Variants in SNX27 observed in about 807,000 individuals in gnomAD.
SNX27 encodes the protein sorting nexin-27.
In SNX27, 22 loss-of-function variants were observed where a neutral mutation model predicts 71.6. The observed-to-expected ratio is 0.31, with a 90% CI of 0.22 to 0.44. The LOEUF is 0.44. Ranked by LOEUF, SNX27 falls within the 20% of genes least tolerant of loss-of-function variation. The probability of loss-of-function intolerance (pLI) is 1.00; values close to 1 mark genes in which losing one functional copy is unlikely to be tolerated. For missense variants in SNX27, 531 were observed against 698.6 expected, an observed-to-expected ratio of 0.76 and a Z score of 2.70; for synonymous variants, 269 against 277.2, an observed-to-expected ratio of 0.97 and a Z score of 0.29.
chr1:151,634,246 A>G (rs1668373452), intron 1 of SNX27, among the ~76,000 whole-genome samples: 2 of 152,170 alleles, frequency 1.3e-5, no homozygotes, highest in Admixed American at 6.6e-5. Flanking sequence ...GGAATTTATT[A>G]TCCATTTTTA....
At chr1:151,644,157 A>C (rs1188541259) in intron 2 of SNX27, among the ~76,000 whole-genome samples, 1 of 152,248 alleles carries the variant, frequency 6.6e-6, no homozygotes, top group East Asian at 1.9e-4. Context: ...AGTCTGCTCT[A>C]CTTTTAGGAT....
At chr1:151,624,720 C>T (rs1667842716) in intron 1 of SNX27, among the ~76,000 whole-genome samples, 1 of 151,952 alleles carries the variant, frequency 6.6e-6, no homozygotes, top group East Asian at 1.9e-4. Context: ...ACATGAGCCA[C>T]CACGCCCGGC....
chr1:151,683,920 A>G (rs947359872), intron 8 of SNX27, among the ~76,000 whole-genome samples: 3 of 151,880 alleles, frequency 2.0e-5, no homozygotes, highest in African/African-American at 7.3e-5. Flanking sequence ...ACCTGCCTCG[A>G]CCTCCCAAAG....
At chr1:151,655,327 C>T (rs1411487316) in intron 2 of SNX27, among the ~76,000 whole-genome samples, 1 of 152,100 alleles carries the variant, frequency 6.6e-6, no homozygotes, top group Non-Finnish European at 1.5e-5. Flanking sequence ...TGAATGATTC[C>T]ATAACCTGTG....
intron 1 of SNX27, among the ~76,000 whole-genome samples, chr1:151,632,150 G>A (rs1668265165): frequency 6.6e-6 from 1 of 150,628 alleles, no homozygotes; most frequent in Non-Finnish European, 1.5e-5. Flanking sequence ...TTTATAATTT[G>A]TTGCGGAGGT....
At chr1:151,616,281 C>A (rs890055879) in intron 1 of SNX27, among the ~76,000 whole-genome samples, 4 of 152,110 alleles carry the variant, frequency 2.6e-5, no homozygotes, top group Non-Finnish European at 4.4e-5. Flanking sequence ...TCCAAGGACT[C>A]TTGATTGATT....
chr1:151,626,356 C>T (rs2102608413), intron 1 of SNX27, among the ~76,000 whole-genome samples: 1 of 151,444 alleles, frequency 6.6e-6, no homozygotes, highest in East Asian at 1.9e-4. Context: ...TATTTTTGGA[C>T]TTATTTTGAG....
Position 151,662,178 on chromosome 1 carries a change from G to T in SNX27, c.814G>T (p.Val272Leu). 6.2e-7 allele frequency: 1 copy of T among 1,612,946 alleles called. No homozygotes were observed. The highest frequency in any genetic ancestry group is 1.3e-5 in the African/African-American group (1 of 74,996). ...TCTTTTCCCCCAGAACTACAATGGTGTGTCCGACGTAGAGCTGAGAGTAGC... is the reference window on the plus strand; with the variant it reads ...TCTTTTCCCCCAGAACTACAATGGTTTGTCCGACGTAGAGCTGAGAGTAGC... ...LSESDENYNG[V>L]SDVELRVALP... is the part of the protein sequence containing the mutation. The change falls in exon 5 of 12, where the codon GTG (valine) becomes TTG (leucine). Residue 272 changes from valine to leucine, a missense_variant. Around this residue, in one of 5 missense-constraint regions of SNX27, gnomAD observed 184 missense variants for 289.6 expected, o/e 0.64. Coordinates refer to ENST00000458013, the MANE Select transcript of SNX27 (RefSeq NM_001330723.2).
intron 7 of SNX27, among the ~76,000 whole-genome samples, chr1:151,672,315 G>C (rs923249723): frequency 6.6e-6 from 1 of 152,112 alleles, no homozygotes; most frequent in Non-Finnish European, 1.5e-5. Context: ...ATTTGTGTTT[G>C]TGAACCATCC....
chr1:151,637,823 G>A (rs1325731881), intron 1 of SNX27, among the ~76,000 whole-genome samples: 1 of 152,190 alleles, frequency 6.6e-6, no homozygotes, highest in Non-Finnish European at 1.5e-5. Flanking sequence ...TTTCAGGAAG[G>A]AAAATCCCTA....
chr1:151,624,435 A>ATT lies in SNX27; in HGVS notation c.311+11936_311+11937dup, dbSNP rs397860649. On this transcript the variant is annotated intron_variant, in intron 1 of 11. Coordinates refer to ENST00000458013, the MANE Select transcript of SNX27 (RefSeq NM_001330723.2). The stretch of plus-strand genomic sequence containing the variant: ...TATATATATATATATATATATATGT[A>ATT]TTTTTTTTTTTTTTGCGATGGAGTC... 2.9e-4 allele frequency among the ~76,000 whole-genome samples: 32 copies of ATT among 109,948 alleles called. No individual in the cohort carries two copies. In the East Asian group the frequency reaches 4.6e-3, roughly 16 times the overall value. 72.1% of individuals were successfully genotyped at this position (109,948 alleles called of 152,430 possible). A position where few individuals can be genotyped will look rare whatever the true frequency, so the allele number is the denominator to read the frequency against.
At position 151,635,018 on chromosome 1, in the gene SNX27, CTG is replaced by C. The variant is rs1668406661; in HGVS notation, c.312-3867_312-3866del. Among the ~76,000 whole-genome samples, 3 of 152,148 alleles carry C rather than the reference CTG, an allele frequency of 2.0e-5. No individual in the cohort carries two copies. In the South Asian group the frequency reaches 6.2e-4, roughly 31 times the overall value. On this transcript the variant is annotated intron_variant, in intron 1 of 11. Transcript: ENST00000458013. The stretch of plus-strand genomic sequence containing the variant: ...CCAGTGGTCTTGTGAAGCTGGCTAT[CTG>C]TGAACCCCATTGTCATTGGTTGAGA...
chr1:151,690,902 G>A (rs993757937), intron 8 of SNX27, among the ~76,000 whole-genome samples: 49 of 152,348 alleles, frequency 3.2e-4, no homozygotes, highest in African/African-American at 1.2e-3. Context: ...AGTAATGGAA[G>A]TAATGGGGCC....
chr1:151,651,175 C>T (rs1054395146), intron 2 of SNX27, among the ~76,000 whole-genome samples: 124 of 151,770 alleles, frequency 8.2e-4, no homozygotes, highest in Admixed American at 1.9e-3. Context: ...CCAGTAGGGG[C>T]GGCTGGGCAG....
chr1:151,670,333 T>G (rs1670407211), intron 7 of SNX27, among the ~76,000 whole-genome samples: 1 of 152,252 alleles, frequency 6.6e-6, no homozygotes, highest in Non-Finnish European at 1.5e-5. Flanking sequence ...TCTTGACTGT[T>G]GTGAACTGTG....
chr1:151,633,224 G>A (rs1393633736), intron 1 of SNX27, among the ~76,000 whole-genome samples: 2 of 152,054 alleles, frequency 1.3e-5, no homozygotes, highest in Non-Finnish European at 2.9e-5. Context: ...CACATATGAA[G>A]CATAGAGTTT....
intron 7 of SNX27, chr1:151,678,478 TC>T (rs1670795942): frequency 6.6e-6 from 1 of 152,242 alleles, no homozygotes; most frequent in African/African-American, 2.4e-5. Context: ...TGTATGTATA[TC>T]CCACATTTAA....
intron 8 of SNX27, among the ~76,000 whole-genome samples, chr1:151,691,606 A>G (rs545256320): frequency 6.6e-6 from 1 of 150,804 alleles, no homozygotes; most frequent in Admixed American, 6.6e-5. Context: ...GAGTAGCTGG[A>G]ATTACAGGCA....
At chr1:151,672,123 A>G (rs2102701529) in intron 7 of SNX27, among the ~76,000 whole-genome samples, 1 of 152,306 alleles carries the variant, frequency 6.6e-6, no homozygotes. Context: ...TCAGGATGGT[A>G]GTAGCTGTGG....
Sources: allele counts gnomAD v4.1 joint callset (sites outside exome capture counted in the v4.1 genomes callset), GRCh38; gene constraint gnomAD v4.1.1; regional missense constraint gnomAD v4.1.1; transcripts MANE v1.5; gene names NCBI Gene and HGNC (gene_info 2026-07-23, HGNC 2026-07-21).